The following LHFPL1 variants were observed in gnomAD, a reference collection of about 807,000 sequenced individuals.
The protein encoded by LHFPL1 is LHFPL tetraspan subfamily member 1.
In LHFPL1, 4 loss-of-function variants were observed where a neutral mutation model predicts 12.1. That is an observed-to-expected ratio of 0.33 (90% CI 0.16 to 0.76). LHFPL1 has a LOEUF of 0.76. Ranked by LOEUF, LHFPL1 falls within the 30% of genes least tolerant of loss-of-function variation. LHFPL1 has a pLI of 0.61. For missense variants in LHFPL1, 141 were observed against 174.1 expected, an observed-to-expected ratio of 0.81 and a Z score of 1.07; for synonymous variants, 52 against 61.9, an observed-to-expected ratio of 0.84 and a Z score of 0.75.
At chrX:112,646,736 G>T (rs1930700614) in intron 3 of LHFPL1, among the ~76,000 whole-genome samples, 1 of 110,443 alleles carries the variant, frequency 9.1e-6, no homozygotes, top group African/African-American at 3.3e-5. Context: ...TGGGGGACTG[G>T]GGGTGGAGAT....
intron 1 of LHFPL1, 88 bp downstream of exon 1, chrX:112,679,741 G>A (rs1300073849): frequency 9.0e-6 from 1 of 111,650 alleles, no homozygotes; most frequent in Admixed American, 9.5e-5. Context: ...GAGAAAGGAA[G>A]GGGAGAAGGG....
At chrX:112,665,397 C>T (rs1212606843) in intron 2 of LHFPL1, among the ~76,000 whole-genome samples, 1 of 111,130 alleles carries the variant, frequency 9.0e-6, no homozygotes, top group East Asian at 2.8e-4. Flanking sequence ...CACCATGTTG[C>T]CCAGGCTGGT....
chrX:112,664,975 G>A (rs773365824), intron 2 of LHFPL1, among the ~76,000 whole-genome samples: 18 of 111,490 alleles, frequency 1.6e-4, no homozygotes, highest in Non-Finnish European at 1.9e-4. Flanking sequence ...CCTGTAATGT[G>A]GACGTATCTT....
At chrX:112,674,273 C>T (rs1377337121) in intron 1 of LHFPL1, among the ~76,000 whole-genome samples, 1 of 111,494 alleles carries the variant, frequency 9.0e-6, no homozygotes, top group Admixed American at 9.5e-5. Flanking sequence ...TTATCTCTCA[C>T]CTTATACAAA....
chrX:112,646,403 G>A (rs1930689945), intron 3 of LHFPL1, among the ~76,000 whole-genome samples: 1 of 109,333 alleles, frequency 9.1e-6, no homozygotes, highest in African/African-American at 3.3e-5. Flanking sequence ...GTACGGTTTT[G>A]TTTTCAAGGC....
intron 2 of LHFPL1, among the ~76,000 whole-genome samples, chrX:112,666,611 T>C (rs6568076): frequency 0.1 from 11,320 of 111,643 alleles, 1,449 homozygotes; most frequent in African/African-American, 0.35. Context: ...GACAAGGGAA[T>C]GTGATCAGGG....
chrX:112,657,109 T>G (rs73635787), intron 3 of LHFPL1, among the ~76,000 whole-genome samples: 11,704 of 112,333 alleles, frequency 0.1, 1,484 homozygotes, highest in African/African-American at 0.36. Context: ...GGGACCATCT[T>G]TATTTCTGTA....
chrX:112,676,917 C>T (rs1931670871), intron 1 of LHFPL1, among the ~76,000 whole-genome samples: 1 of 112,145 alleles, frequency 8.9e-6, no homozygotes, highest in East Asian at 2.8e-4. Flanking sequence ...AGCCCTTCAT[C>T]AACTCAGATT....
In LHFPL1 at chrX:112,659,435, G is replaced by T. The variant is rs995517720; in HGVS notation, c.481+1192C>A. Among the ~76,000 whole-genome samples, 7 of 110,526 alleles carry T rather than the reference G, an allele frequency of 6.3e-5. No individual in the cohort carries two copies. In the Admixed American group the frequency reaches 6.9e-4, roughly 11 times the overall value. On this transcript the variant is annotated intron_variant, in intron 3 of 3. Coordinates refer to ENST00000371968, the MANE Select transcript of LHFPL1 (RefSeq NM_178175.4). ...AGATCGCACCACTGCACTCCAGCCT[G>T]GGTGACAGAGGGCGGCTCCATCTCA...
intron 2 of LHFPL1, among the ~76,000 whole-genome samples, chrX:112,661,486 T>C (rs956250106): frequency 8.9e-6 from 1 of 111,783 alleles, no homozygotes; most frequent in Non-Finnish European, 1.9e-5. Context: ...TTTTATATCC[T>C]ACGGCTCTTA....
chrX:112,650,830 T>A (rs1369688693), intron 3 of LHFPL1, among the ~76,000 whole-genome samples: 1 of 111,956 alleles, frequency 8.9e-6, no homozygotes, highest in African/African-American at 3.2e-5. Flanking sequence ...CTCAGTCCCA[T>A]TAGCCATATT....
intron 2 of LHFPL1, among the ~76,000 whole-genome samples, chrX:112,662,826 G>C (rs1273661200): frequency 1.8e-5 from 2 of 111,738 alleles, no homozygotes; most frequent in Non-Finnish European, 3.8e-5. Flanking sequence ...ACGCACATTG[G>C]GTTAAGGACA....
chrX:112,636,369 A>G (rs1930339502), intron 3 of LHFPL1, among the ~76,000 whole-genome samples: 1 of 112,365 alleles, frequency 8.9e-6, no homozygotes, highest in Non-Finnish European at 1.9e-5. Flanking sequence ...ACAACAAAAA[A>G]TGATCTGGCC....
At chrX:112,653,347 G>A (rs1272010359) in intron 3 of LHFPL1, among the ~76,000 whole-genome samples, 1 of 111,112 alleles carries the variant, frequency 9.0e-6, no homozygotes, top group East Asian at 2.8e-4. Flanking sequence ...TGTGCCCTGG[G>A]GTAACTTAAT....
chrX:112,677,660 TCAAA>T (rs752038026), intron 1 of LHFPL1, among the ~76,000 whole-genome samples: 14 of 75,468 alleles, frequency 1.9e-4, no homozygotes, highest in African/African-American at 1.2e-3. Flanking sequence ...AGACAAAGCT[TCAAA>T]AAAAAAAAAA....
chrX:112,657,455 T>G (rs1350881644), intron 3 of LHFPL1, among the ~76,000 whole-genome samples: 2 of 111,988 alleles, frequency 1.8e-5, no homozygotes, highest in African/African-American at 6.5e-5. Context: ...AAAATTCCGA[T>G]GGAAATGCAA....
intron 3 of LHFPL1, among the ~76,000 whole-genome samples, chrX:112,649,798 T>C: frequency 8.9e-6 from 1 of 111,760 alleles, no homozygotes; most frequent in East Asian, 2.8e-4. Flanking sequence ...AACTTTTTTC[T>C]TCTCTACAAG....
intron 3 of LHFPL1, among the ~76,000 whole-genome samples, chrX:112,635,974 G>C (rs1021486552): frequency 9.0e-6 from 1 of 111,446 alleles, no homozygotes; most frequent in Non-Finnish European, 1.9e-5. Flanking sequence ...AGCAGGGAAC[G>C]ATACGCTAGA....
chrX:112,654,701 A>G (rs1418635841), intron 3 of LHFPL1, among the ~76,000 whole-genome samples: 2 of 110,585 alleles, frequency 1.8e-5, no homozygotes, highest in Non-Finnish European at 3.8e-5. Flanking sequence ...TAAGTTTTAA[A>G]CCTTTATATA....
Sources: gnomAD v4.1 joint callset for allele counts (sites outside exome capture counted in the v4.1 genomes callset) on GRCh38, gnomAD v4.1.1 for gene constraint, MANE v1.5 for transcripts, NCBI Gene and HGNC (gene_info 2026-07-23, HGNC 2026-07-21) for gene names.